Variants in TMEM26 observed in about 807,000 individuals in gnomAD.
TMEM26 encodes the protein transmembrane protein 26.
Under a neutral mutation model 28.8 loss-of-function variants are expected in TMEM26, and 38 were observed. The observed-to-expected ratio is 1.32, with a 90% CI of 1.02 to 1.73. The LOEUF is 1.73. Ranked by LOEUF, TMEM26 falls within the 40% of genes most tolerant of loss-of-function variation. The pLI is 0.00. For synonymous variants in TMEM26, 227 were observed against 182.9 expected, an observed-to-expected ratio of 1.24 and a Z score of -1.95; for missense variants, 518 against 447.1, an observed-to-expected ratio of 1.16 and a Z score of -1.43.
At chr10:61,435,918 A>C (rs1472122241) in intron 2 of TMEM26, among the ~76,000 whole-genome samples, 1 of 152,216 alleles carries the variant, frequency 6.6e-6, no homozygotes, top group Non-Finnish European at 1.5e-5. Context: ...AAGTCTTAGT[A>C]ATAAGATCTC....
chr10:61,436,055 C>T (rs1044541437), intron 2 of TMEM26, 115 bp downstream of exon 2: 2 of 495,344 alleles, frequency 4.0e-6, no homozygotes, highest in Non-Finnish European at 6.9e-6. Flanking sequence ...CTTATTTATT[C>T]AATTCTTGCT....
intron 1 of TMEM26, among the ~76,000 whole-genome samples, chr10:61,445,663 G>C (rs545323651): frequency 1.3e-5 from 2 of 150,844 alleles, no homozygotes; most frequent in African/African-American, 4.9e-5. Flanking sequence ...ATTTCATAAA[G>C]TGCCTACATT....
At position 61,436,165 on chromosome 10, in the gene TMEM26, A is replaced by G. The variant is rs367774111; in HGVS notation, c.270+5T>C. ...GGTCAATTCCTACTTTCCAAAAAGAAGTACCTGGGTCTCATGGTGCAATTC... is the reference window on the plus strand; with the variant it reads ...GGTCAATTCCTACTTTCCAAAAAGAGGTACCTGGGTCTCATGGTGCAATTC... On this transcript the variant is annotated splice_donor_5th_base_variant and intron_variant, in intron 2 of 5. Coordinates refer to ENST00000399298, the MANE Select transcript of TMEM26 (RefSeq NM_178505.8). The G allele has an allele frequency of 1.0e-5, 16 of 1,580,988 alleles. No individual in the cohort carries two copies. The African/African-American group carries it at 1.6e-4, about 16-fold the overall frequency.
chr10:61,429,308 A>T (rs1839884304), intron 3 of TMEM26, among the ~76,000 whole-genome samples, 162 bp from the exon 4 acceptor site: 1 of 151,962 alleles, frequency 6.6e-6, no homozygotes, highest in African/African-American at 2.4e-5. Flanking sequence ...TCAGCTGAAC[A>T]CTCTGAAAAA....
At position 61,453,244 on chromosome 10, in the gene TMEM26, G is replaced by T. The variant is rs1044940022; in HGVS notation, c.-163C>A. 12 of 709,494 alleles carry T rather than the reference G, an allele frequency of 1.7e-5. No homozygotes were observed. Among genetic ancestry groups the T allele is most frequent in the Non-Finnish European group, 1.8e-5 (8 of 437,170 alleles). The allele number at this position is 709,494 out of a possible 1,614,324, so 43.9% of individuals were successfully genotyped here. ...CGCCCGATGCCGGTAGAACTGGTGC[G>T]CGGCTCGCCCCTCCCCCAAACTTCC... On this transcript the variant is annotated 5_prime_UTR_variant, in exon 1 of 6. Transcript: ENST00000399298.
chr10:61,453,264 A>C lies in TMEM26; in HGVS notation c.-183T>G. The stretch of plus-strand genomic sequence containing the variant: ...GGTGCGCGGCTCGCCCCTCCCCCAA[A>C]CTTCCTGAGAACTCTTCAAAGAGGG... On this transcript the variant is annotated 5_prime_UTR_variant, in exon 1 of 6. Coordinates refer to ENST00000399298, the MANE Select transcript of TMEM26 (RefSeq NM_178505.8). The C allele has an allele frequency of 1.6e-6, 1 of 615,452 alleles. No homozygotes were observed. Among genetic ancestry groups the C allele is most frequent in the Non-Finnish European group, 2.8e-6 (1 of 354,330 alleles). 38.1% of individuals were successfully genotyped at this position (615,452 alleles called of 1,614,324 possible).
chr10:61,431,792 T>C (rs1839927542), intron 2 of TMEM26, among the ~76,000 whole-genome samples: 1 of 151,992 alleles, frequency 6.6e-6, no homozygotes, highest in African/African-American at 2.4e-5. Context: ...GTAAATGGCA[T>C]GTTGTTGAGG....
rs146217735 is a variant in TMEM26 at position 61,448,847 on chromosome 10, CT to C, written c.191+4043del. 2.4e-3 allele frequency among the ~76,000 whole-genome samples: 370 copies of C among 152,234 alleles called. 1 individual carries two copies. The highest frequency in any genetic ancestry group is 8.6e-3 in the African/African-American group (357 of 41,546). On this transcript the variant is annotated intron_variant, in intron 1 of 5. Transcript: ENST00000399298. ...AAAACTCAGTGCTTAAAATTGTATA[CT>C]TTTGCCAGTAAGTTCAACCTAGCTT... is the stretch of plus-strand genomic sequence containing the variant.
At chr10:61,423,012 G>A (rs1253780336) in intron 4 of TMEM26, among the ~76,000 whole-genome samples, 2 of 151,952 alleles carry the variant, frequency 1.3e-5, no homozygotes, top group African/African-American at 4.8e-5. Flanking sequence ...GAATGAAAAA[G>A]GAGGGTACCA....
intron 1 of TMEM26, among the ~76,000 whole-genome samples, chr10:61,443,248 C>T (rs1005992202): frequency 1.3e-5 from 2 of 149,646 alleles, no homozygotes; most frequent in East Asian, 2.0e-4. Context: ...GTCAGGAGAT[C>T]GAGACCATCC....
At chr10:61,422,517 A>G (rs545904596) in intron 4 of TMEM26, among the ~76,000 whole-genome samples, 1 of 152,202 alleles carries the variant, frequency 6.6e-6, no homozygotes, top group Admixed American at 6.6e-5. Context: ...AAAGATCCCT[A>G]TATATTCAGA....
At chr10:61,435,023 C>A (rs191077624) in intron 2 of TMEM26, among the ~76,000 whole-genome samples, 1 of 152,156 alleles carries the variant, frequency 6.6e-6, no homozygotes, top group Admixed American at 6.5e-5. Context: ...GAAGTCAAAG[C>A]TGGAATCAGA....
intron 1 of TMEM26, among the ~76,000 whole-genome samples, chr10:61,449,673 A>G (rs1477908100): frequency 6.6e-6 from 1 of 152,220 alleles, no homozygotes; most frequent in East Asian, 1.9e-4. Context: ...AAAGAAAAGA[A>G]CTTTTCCACC....
intron 1 of TMEM26, among the ~76,000 whole-genome samples, chr10:61,445,282 G>T (rs1281903263): frequency 6.6e-6 from 1 of 152,124 alleles, no homozygotes; most frequent in Non-Finnish European, 1.5e-5. Context: ...GGCTATTTCA[G>T]GTAGATTAAA....
intron 2 of TMEM26, among the ~76,000 whole-genome samples, chr10:61,432,606 C>G (rs1368731809): frequency 6.6e-6 from 1 of 152,052 alleles, no homozygotes; most frequent in Non-Finnish European, 1.5e-5. Context: ...CCACTACAAC[C>G]ACCACACATC....
intron 4 of TMEM26, chr10:61,413,975 A>T: frequency 3.0e-6 from 3 of 986,956 alleles, no homozygotes; most frequent in Non-Finnish European, 3.6e-6. Context: ...ATGATCAAAG[A>T]TTAAAAACTC....
chr10:61,442,845 C>T (rs1840116102), intron 1 of TMEM26, among the ~76,000 whole-genome samples: 1 of 152,184 alleles, frequency 6.6e-6, no homozygotes, highest in South Asian at 2.1e-4. Context: ...CAAAGGCTTT[C>T]TGTTAGTGTG....
intron 1 of TMEM26, among the ~76,000 whole-genome samples, chr10:61,451,386 T>C (rs1343446634): frequency 6.6e-6 from 1 of 152,148 alleles, no homozygotes; most frequent in Non-Finnish European, 1.5e-5. Context: ...ACTCTGGCGG[T>C]TGGTGGCAGG....
chr10:61,419,974 C>T (rs1010237508), intron 4 of TMEM26, among the ~76,000 whole-genome samples: 74 of 152,122 alleles, frequency 4.9e-4, no homozygotes, highest in African/African-American at 1.6e-3. Flanking sequence ...GTACAGTTGA[C>T]CTTCCAGCAA....
Sources: gnomAD v4.1 joint callset for allele counts (sites outside exome capture counted in the v4.1 genomes callset) on GRCh38, gnomAD v4.1.1 for gene constraint, MANE v1.5 for transcripts, NCBI Gene and HGNC (gene_info 2026-07-23, HGNC 2026-07-21) for gene names.